Variants in ERG observed in about 807,000 individuals in gnomAD.
ERG encodes transcriptional regulator ERG.
A neutral mutation model predicts 55.3 loss-of-function variants in ERG; 9 were observed. The observed-to-expected ratio is 0.16, with a 90% CI of 0.10 to 0.28. The LOEUF (loss-of-function observed/expected upper bound fraction) is 0.28, where lower values mean the gene tolerates loss of function less well. Ranked by LOEUF, ERG falls within the 10% of genes least tolerant of loss-of-function variation. The pLI is 1.00. For missense variants in ERG, 434 were observed against 631.6 expected (o/e 0.69, Z 3.35); for synonymous variants, 223 against 237.3 (o/e 0.94, Z 0.55).
intron 6 of ERG, among the ~76,000 whole-genome samples, chr21:38,397,625 A>T (rs1276761966): frequency 1.3e-5 from 2 of 149,892 alleles, no homozygotes; most frequent in Non-Finnish European, 3.0e-5. Flanking sequence ...AAAAGAAGAG[A>T]AAAGAAGATA....
At chr21:38,425,440 AAGAG>A (rs1189792281) in intron 2 of ERG, among the ~76,000 whole-genome samples, 1 of 151,972 alleles carries the variant, frequency 6.6e-6, no homozygotes, top group Non-Finnish European at 1.5e-5. Flanking sequence ...AGAGAAAGAA[AAGAG>A]AGAGAAAATC....
chr21:38,423,933 G>A (rs1989675460), intron 2 of ERG, among the ~76,000 whole-genome samples: 1 of 152,104 alleles, frequency 6.6e-6, no homozygotes, highest in African/African-American at 2.4e-5. Flanking sequence ...CTGAGATCAT[G>A]CCACTGCACT....
chr21:38,579,087 T>C (rs1334406970), intron 1 of ERG, among the ~76,000 whole-genome samples: 1 of 152,160 alleles, frequency 6.6e-6, no homozygotes, highest in Non-Finnish European at 1.5e-5. Flanking sequence ...GAAGCCTCCA[T>C]GGGATTCCCA....
chr21:38,391,211 G>A (rs542364945), intron 8 of ERG, among the ~76,000 whole-genome samples, 169 bp from the exon 9 acceptor site: 4 of 152,230 alleles, frequency 2.6e-5, no homozygotes, highest in African/African-American at 9.6e-5. Flanking sequence ...GATGTCACAC[G>A]GCATCTCAGA....
downstream of ERG, among the ~76,000 whole-genome samples, chr21:38,376,941 ATAAC>A (rs1313135007): frequency 6.6e-6 from 1 of 152,250 alleles, no homozygotes; most frequent in Non-Finnish European, 1.5e-5. Context: ...TTCCTGTCTG[ATAAC>A]TACCAACAAC....
intron 2 of ERG, among the ~76,000 whole-genome samples, chr21:38,561,518 A>G (rs1009687172): frequency 7.9e-5 from 12 of 152,066 alleles, no homozygotes; most frequent in Admixed American, 6.6e-4. Context: ...TTTTTCAAAC[A>G]ACACAAGTCA....
intron 3 of ERG, among the ~76,000 whole-genome samples, chr21:38,410,892 A>G (rs1989016169): frequency 6.6e-6 from 1 of 152,224 alleles, no homozygotes; most frequent in Admixed American, 6.5e-5. Context: ...TGGCTTCCCA[A>G]AAGAAAAAAA....
intron 3 of ERG, among the ~76,000 whole-genome samples, chr21:38,416,157 C>A (rs1439931255): frequency 6.6e-6 from 1 of 152,196 alleles, no homozygotes; most frequent in Non-Finnish European, 1.5e-5. Flanking sequence ...TACATGAAAT[C>A]AGACTGCCAA....
At chr21:38,441,279 G>A (rs892929742) in intron 2 of ERG, among the ~76,000 whole-genome samples, 2 of 152,236 alleles carry the variant, frequency 1.3e-5, no homozygotes, top group Admixed American at 1.3e-4. Flanking sequence ...TGCTAACTGA[G>A]GTTGTACTGG....
chr21:38,566,774 A>G (rs959127959), intron 2 of ERG, among the ~76,000 whole-genome samples: 3 of 152,228 alleles, frequency 2.0e-5, no homozygotes, highest in South Asian at 2.1e-4. Context: ...TTAATTGTTG[A>G]TAACTATCAA....
At chr21:38,646,112 CTACTAAAAATATTAAAAA>C (rs1429741469) in intron 1 of ERG, among the ~76,000 whole-genome samples, 1 of 151,944 alleles carries the variant, frequency 6.6e-6, no homozygotes, top group Non-Finnish European at 1.5e-5. Flanking sequence ...AACCCTGTCT[CTACTAAAAATATTAAAAA>C]ATCAGCTGGG....
chr21:38,592,300 C>A (rs890834318), intron 1 of ERG, among the ~76,000 whole-genome samples: 2 of 152,178 alleles, frequency 1.3e-5, no homozygotes, highest in Admixed American at 1.3e-4. Context: ...AGCTCTAGCA[C>A]ACATGGGCTC....
At chr21:38,636,516 G>A (rs1183037559) in intron 1 of ERG, among the ~76,000 whole-genome samples, 2 of 152,166 alleles carry the variant, frequency 1.3e-5, no homozygotes, top group Non-Finnish European at 2.9e-5. Context: ...GTGGCATCTG[G>A]TTCCTTTTCC....
chr21:38,486,076 G>A (rs1387019083), intron 1 of ERG, among the ~76,000 whole-genome samples: 1 of 151,876 alleles, frequency 6.6e-6, no homozygotes, highest in African/African-American at 2.4e-5. Context: ...TGGGACTACA[G>A]GTGCGTGCCA....
chr21:38,492,686 G>C (rs1238006586), intron 1 of ERG, among the ~76,000 whole-genome samples: 4 of 152,124 alleles, frequency 2.6e-5, no homozygotes, highest in Non-Finnish European at 5.9e-5. Context: ...TGTGCTGACA[G>C]GAAAGAAAAT....
rs71184624 is a variant in ERG, at chr21:38,423,084, AGTGTGTGT to A, written c.388+318_388+325del. Among the ~76,000 whole-genome samples the A allele has an allele frequency of 4.9e-3, 703 of 144,428 alleles. 5 individuals are homozygous for A. The highest frequency in any genetic ancestry group is 5.7e-3 in the Non-Finnish European group (372 of 65,740). 94.8% of individuals were successfully genotyped at this position (144,428 alleles called of 152,430 possible). ...TTTCTCTCTGTCTCTCTCCATACGT[AGTGTGTGT>A]GTGTGTGTGTGTGTGTGTGTGTGTG... is the stretch of plus-strand genomic sequence containing the variant. On this transcript the variant is annotated intron_variant, in intron 3 of 9. Coordinates refer to ENST00000288319, the MANE Select transcript of ERG (RefSeq NM_182918.4).
intron 3 of ERG, among the ~76,000 whole-genome samples, chr21:38,419,535 G>A (rs757389764): frequency 3.3e-5 from 5 of 151,984 alleles, no homozygotes; most frequent in Middle Eastern, 3.2e-3. Context: ...ACACACGTGC[G>A]TGTAAACCTC....
chr21:38,401,594 GA>G (rs1467109637), intron 5 of ERG, among the ~76,000 whole-genome samples: 2 of 152,166 alleles, frequency 1.3e-5, no homozygotes, highest in Non-Finnish European at 1.5e-5. Flanking sequence ...TAAATATTGG[GA>G]AAATTGCGTA....
intron 1 of ERG, among the ~76,000 whole-genome samples, chr21:38,578,514 A>G (rs931631953): frequency 1.4e-4 from 22 of 152,188 alleles, no homozygotes; most frequent in Non-Finnish European, 1.3e-4. Context: ...TAGCAGAAAG[A>G]CAAGTATGAC....
Sources: allele counts gnomAD v4.1 joint callset (sites outside exome capture counted in the v4.1 genomes callset), GRCh38; gene constraint gnomAD v4.1.1; transcripts MANE v1.5; gene names NCBI Gene and HGNC (gene_info 2026-07-23, HGNC 2026-07-21).